Variants in RIPOR2 observed in about 807,000 individuals in gnomAD.
RIPOR2 encodes the protein RHO family interacting cell polarization regulator 2, also known as rho family-interacting cell polarization regulator 2.
Under a neutral mutation model 114.5 loss-of-function variants are expected in RIPOR2, and 39 were observed. That is an observed-to-expected ratio of 0.34 (90% CI 0.26 to 0.44). RIPOR2 has a LOEUF of 0.44. Among genes scored for constraint, RIPOR2 ranks in the 20% least tolerant of loss-of-function variants. The probability of loss-of-function intolerance (pLI) is 1.00; values close to 1 mark genes in which losing one functional copy is unlikely to be tolerated. For synonymous variants in RIPOR2, 445 were observed against 484.4 expected (o/e 0.92, Z 1.07); for missense variants, 1,007 against 1,255.1 (o/e 0.80, Z 2.99).
intron 1 of RIPOR2, among the ~76,000 whole-genome samples, chr6:24,981,274 A>T (rs1019810251): frequency 1.3e-5 from 2 of 152,214 alleles, no homozygotes; most frequent in African/African-American, 4.8e-5. Flanking sequence ...GCCATAGTGG[A>T]TACTAAAATG....
At chr6:24,846,216 A>T (rs1196144638) in intron 12 of RIPOR2, among the ~76,000 whole-genome samples, 1 of 149,994 alleles carries the variant, frequency 6.7e-6, no homozygotes, top group African/African-American at 2.5e-5. Flanking sequence ...GTTTTGGTTC[A>T]TGTTTTCATG....
At chr6:24,950,974 A>G (rs534421345) in intron 1 of RIPOR2, among the ~76,000 whole-genome samples, 2 of 152,238 alleles carry the variant, frequency 1.3e-5, no homozygotes, top group Non-Finnish European at 2.9e-5. Flanking sequence ...AGACTGCGAC[A>G]TCCTAGAAGA....
intron 6 of RIPOR2, among the ~76,000 whole-genome samples, chr6:24,867,563 A>G (rs1214748977): frequency 6.6e-6 from 1 of 152,172 alleles, no homozygotes; most frequent in East Asian, 1.9e-4. Context: ...TGGGTACGCC[A>G]AAGTTTCTGA....
intron 1 of RIPOR2, among the ~76,000 whole-genome samples, chr6:24,896,088 CTTG>C (rs1212959953): frequency 1.8e-4 from 27 of 152,314 alleles, no homozygotes; most frequent in African/African-American, 5.5e-4. Flanking sequence ...AGGATTGGAA[CTTG>C]TTGTCATCTG....
At chr6:24,990,329 G>T (rs1053586804) in intron 1 of RIPOR2, among the ~76,000 whole-genome samples, 1 of 152,226 alleles carries the variant, frequency 6.6e-6, no homozygotes, top group Non-Finnish European at 1.5e-5. Context: ...CATTGATAGT[G>T]CTTCTAATGA....
At position 24,874,393 on chromosome 6, in the gene RIPOR2, G is replaced by A. The variant is rs375333069; in HGVS notation, c.189-594C>T. On this transcript the variant is annotated intron_variant, in intron 2 of 21. Transcript: ENST00000643898. Reference sequence around the variant, plus strand: ...CTCAAAGTGCTGGGATTACAGGCATGAGCCACTGTGCCTGACCAAGAAATG... The same window carrying A: ...CTCAAAGTGCTGGGATTACAGGCATAAGCCACTGTGCCTGACCAAGAAATG... 2.6e-5 allele frequency among the ~76,000 whole-genome samples: 4 copies of A among 152,198 alleles called. No homozygotes were observed. In the South Asian group the frequency reaches 8.3e-4, roughly 32 times the overall value.
At chr6:24,995,425 G>A (rs1409047649) in intron 1 of RIPOR2, among the ~76,000 whole-genome samples, 2 of 152,250 alleles carry the variant, frequency 1.3e-5, no homozygotes, top group Non-Finnish European at 2.9e-5. Context: ...GAAGGGAGTA[G>A]GGGCAAGTGG....
At chr6:24,878,603 C>T (rs1036774838) in intron 1 of RIPOR2, among the ~76,000 whole-genome samples, 9 of 152,068 alleles carry the variant, frequency 5.9e-5, no homozygotes, top group East Asian at 1.9e-4. Context: ...CATTGGATCA[C>T]GGTAGTTTAA....
Position 24,902,730 on chromosome 6 carries a change from C to T in RIPOR2, c.62-26913G>A, listed in dbSNP as rs367865081. On this transcript the variant is annotated intron_variant, in intron 1 of 21. Transcript: ENST00000643898. ...AACTCCACTTTCCCAAATCCTCCCC[C>T]GGCAAACAAACCAAAATGTGCAACA... is the stretch of plus-strand genomic sequence containing the variant. 5.9e-5 allele frequency among the ~76,000 whole-genome samples: 9 copies of T among 152,278 alleles called. No homozygotes were observed. In the South Asian group the frequency reaches 8.3e-4, roughly 14 times the overall value.
intron 1 of RIPOR2, among the ~76,000 whole-genome samples, chr6:25,027,796 GAAC>G (rs1776702389): frequency 6.6e-6 from 1 of 152,194 alleles, no homozygotes; most frequent in South Asian, 2.1e-4. Flanking sequence ...TAAACCGACT[GAAC>G]AAGAGGGAAG....
chr6:24,983,756 CAAAAAAA>C (rs34480037), intron 1 of RIPOR2, among the ~76,000 whole-genome samples: 4 of 47,184 alleles, frequency 8.5e-5, no homozygotes, highest in Admixed American at 6.4e-4. Context: ...GACTGTGTCT[CAAAAAAA>C]AAAAAAAAAA....
At chr6:24,944,837 C>G (rs1772327566) in intron 1 of RIPOR2, among the ~76,000 whole-genome samples, 1 of 151,874 alleles carries the variant, frequency 6.6e-6, no homozygotes, top group Non-Finnish European at 1.5e-5. Flanking sequence ...TTCAATAATA[C>G]TAAAAAGCAA....
intron 1 of RIPOR2, among the ~76,000 whole-genome samples, chr6:24,986,729 G>C (rs2113603166): frequency 6.6e-6 from 1 of 152,274 alleles, no homozygotes; most frequent in South Asian, 2.1e-4. Flanking sequence ...AAGAATAGCT[G>C]ATGTTGCTGG....
At chr6:24,941,832 T>C (rs73382327) in intron 1 of RIPOR2, among the ~76,000 whole-genome samples, 2,615 of 152,200 alleles carry the variant, frequency 0.017, 59 homozygotes, top group African/African-American at 0.057. Flanking sequence ...CCTCCTCCCC[T>C]TTTTTTAACC....
chr6:24,940,651 A>G (rs1055843588), upstream of RIPOR2, among the ~76,000 whole-genome samples: 1 of 148,098 alleles, frequency 6.8e-6, no homozygotes, highest in Non-Finnish European at 1.5e-5. Context: ...AAGGAATACG[A>G]TTTTTTTTTT....
chr6:24,928,592 C>A (rs888024979), intron 1 of RIPOR2, among the ~76,000 whole-genome samples: 1 of 152,188 alleles, frequency 6.6e-6, no homozygotes, highest in Non-Finnish European at 1.5e-5. Context: ...TGCTCTTACG[C>A]TGTTGCTGTG....
chr6:25,015,014 A>T (rs1775908053), intron 1 of RIPOR2: 1 of 152,250 alleles, frequency 6.6e-6, no homozygotes, highest in African/African-American at 2.4e-5. Context: ...TATGTGTCAC[A>T]TGAAACATCA....
At chr6:25,041,840 G>A (rs1216510812) in intron 1 of RIPOR2, 1 of 702,034 alleles carries the variant, frequency 1.4e-6, no homozygotes, top group Non-Finnish European at 2.6e-6. Context: ...AACACCAGAC[G>A]GGACACTCAC....
At chr6:24,893,969 A>G (rs1320489345) in intron 1 of RIPOR2, among the ~76,000 whole-genome samples, 1 of 152,198 alleles carries the variant, frequency 6.6e-6, no homozygotes, top group African/African-American at 2.4e-5. Flanking sequence ...AAAAGATTAA[A>G]TGATCTCCAT....
Sources: gnomAD v4.1 joint callset for allele counts (sites outside exome capture counted in the v4.1 genomes callset) on GRCh38, gnomAD v4.1.1 for gene constraint, MANE v1.5 for transcripts, NCBI Gene and HGNC (gene_info 2026-07-23, HGNC 2026-07-21) for gene names.